The following PLB1 variants were observed in gnomAD, a reference collection of about 807,000 sequenced individuals.
The protein encoded by PLB1 is phospholipase B1, membrane-associated.
A neutral mutation model predicts 227.4 loss-of-function variants in PLB1; 242 were observed. The observed-to-expected ratio is 1.06, with a 90% CI of 0.96 to 1.18. The LOEUF is 1.18. PLB1 is among the 50% of genes most tolerant of loss of function. PLB1 has a pLI of 0.00. For synonymous variants in PLB1, 757 were observed against 682.2 expected (o/e 1.11, Z -1.71); for missense variants, 1,858 against 1,816.3 (o/e 1.02, Z -0.42).
At chr2:28,590,130 C>A in intron 29 of PLB1, 54 bp downstream of exon 29, 1 of 1,457,848 alleles carries the variant, frequency 6.9e-7, no homozygotes, top group Non-Finnish European at 9.6e-7. Flanking sequence ...CTTCTTGGCT[C>A]ATTTCATCCT....
chr2:28,573,238 G>A lies in PLB1; in HGVS notation c.1366G>A (p.Val456Ile), dbSNP rs762532932. 1 of 1,614,170 alleles carries A rather than the reference G, an allele frequency of 6.2e-7. No individual in the cohort carries two copies. Among genetic ancestry groups the A allele is most frequent in the Non-Finnish European group, 8.5e-7 (1 of 1,180,028 alleles). The change falls in exon 21 of 58, where the codon GTT (valine) becomes ATT (isoleucine). Residue 456 changes from valine (V) to isoleucine (I), a missense_variant. By Grantham distance (29) the Val-to-Ile change is conservative (BLOSUM62 3). Coordinates refer to ENST00000327757, the MANE Select transcript of PLB1 (RefSeq NM_153021.5). The part of the protein sequence containing the change: ...EFNPSLKGFS[V>I]GTGKETSPNA... ...CAACCCTTCCCTGAAGGGCTTCTCT[G>A]TTGGCACTGGGAAAGAAACCAGTCC...
chr2:28,561,805 TTGA>T (rs1209928896), intron 17 of PLB1, among the ~76,000 whole-genome samples: 4 of 152,156 alleles, frequency 2.6e-5, no homozygotes, highest in African/African-American at 7.2e-5. Flanking sequence ...GGAGGATCAC[TTGA>T]GCCCGGGAGG....
intron 17 of PLB1, among the ~76,000 whole-genome samples, chr2:28,561,693 C>G (rs1676075699): frequency 6.6e-6 from 1 of 152,076 alleles, no homozygotes; most frequent in Non-Finnish European, 1.5e-5. Flanking sequence ...GAGTTCGAGA[C>G]CAGCCTGGCA....
At chr2:28,538,295 C>T (rs1419322920) in intron 9 of PLB1, 24 bp from the exon 10 acceptor site, 1 of 1,614,164 alleles carries the variant, frequency 6.2e-7, no homozygotes, top group Admixed American at 1.7e-5. Context: ...GGCACCCTCA[C>T]TTAGCACGGT....
intron 34 of PLB1, 143 bp from the exon 35 acceptor site, chr2:28,598,509 C>T: frequency 1.5e-6 from 1 of 669,262 alleles, no homozygotes; most frequent in South Asian, 1.7e-5. Flanking sequence ...ATGTCCAGGA[C>T]ACACACTGCC....
chr2:28,643,481 T>G lies in PLB1; in HGVS notation c.*420T>G, dbSNP rs1287977749. 3 of 166,856 alleles carry G rather than the reference T, an allele frequency of 1.8e-5. No individual in the cohort carries two copies. The Admixed American group carries it at 1.8e-4, about 10-fold the overall frequency. 10.3% of individuals were successfully genotyped at this position (166,856 alleles called of 1,614,324 possible). A position where few individuals can be genotyped will look rare whatever the true frequency, so the allele number is the denominator to read the frequency against. On this transcript the variant is annotated 3_prime_UTR_variant, in exon 58 of 58. Coordinates refer to ENST00000327757, the MANE Select transcript of PLB1 (RefSeq NM_153021.5). ...GCTGGTCACCAGGTGGTGGCTGGAA[T>G]TTTGGAGCTGGCTGGTTGCCATTCA...
intron 25 of PLB1, among the ~76,000 whole-genome samples, chr2:28,584,942 C>T (rs1207118945): frequency 6.6e-6 from 1 of 152,226 alleles, no homozygotes; most frequent in African/African-American, 2.4e-5. Context: ...GTTACTCAAC[C>T]ACCCTGAGCC....
intron 43 of PLB1, among the ~76,000 whole-genome samples, chr2:28,611,029 A>G (rs895121041): frequency 1.3e-5 from 2 of 152,172 alleles, no homozygotes; most frequent in Non-Finnish European, 1.5e-5. Flanking sequence ...TCAATGGTCA[A>G]TAAACCCAGC....
chr2:28,628,888 T>C (rs1407414533), intron 52 of PLB1, among the ~76,000 whole-genome samples: 4 of 152,190 alleles, frequency 2.6e-5, no homozygotes, highest in African/African-American at 9.7e-5. Context: ...TTCGGGCAAG[T>C]GACTTCCCTG....
chr2:28,578,084 C>A (rs773835968), intron 21 of PLB1, 23 bp from the exon 22 acceptor site: 21 of 1,613,134 alleles, frequency 1.3e-5, no homozygotes, highest in Non-Finnish European at 1.7e-5. Context: ...CCTCACAGCA[C>A]TTCCTCTGGT....
chr2:28,585,528 C>T lies in PLB1; in HGVS notation c.1734-233C>T, dbSNP rs946213495. 16 of 444,816 alleles carry T rather than the reference C, an allele frequency of 3.6e-5. No individual in the cohort carries two copies. In the Middle Eastern group the frequency reaches 2.7e-3, roughly 74 times the overall value. 27.6% of individuals were successfully genotyped at this position (444,816 alleles called of 1,614,324 possible). A position where few individuals can be genotyped will look rare whatever the true frequency, so the allele number is the denominator to read the frequency against. Reference sequence around the variant, plus strand: ...CTGACCTCAAGTGATCCACCCACCTCGGCCCACCAAAGTGCTGGCATTACA... The same window carrying T: ...CTGACCTCAAGTGATCCACCCACCTTGGCCCACCAAAGTGCTGGCATTACA... On this transcript the variant is annotated intron_variant, in intron 25 of 57. Coordinates refer to ENST00000327757, the MANE Select transcript of PLB1 (RefSeq NM_153021.5).
rs754672534 is a variant in PLB1, at chr2:28,633,021, C to T, written c.4080C>T (p.Ile1360=). ...ACCGCGGGCATGCCGAGATGGCCAT[C>T]GCACTCTGGAACAACATGGTGAGCA... ...FSDRGHAEMA[I]ALWNNMLEPV... The change falls in exon 56 of 58, where the codon ATC becomes ATT. Residue 1360 remains isoleucine, a synonymous_variant. Transcript: ENST00000327757. 1.2e-5 allele frequency: 20 copies of T among 1,613,882 alleles called. No homozygotes were observed. Among genetic ancestry groups the T allele is most frequent in the South Asian group, 3.3e-5 (3 of 91,078 alleles).
At chr2:28,539,837 A>AT (rs1299304921) in intron 11 of PLB1, among the ~76,000 whole-genome samples, 4 of 151,858 alleles carry the variant, frequency 2.6e-5, no homozygotes, top group African/African-American at 7.3e-5. Flanking sequence ...AGGAGGACTG[A>AT]GAGATGAAGG....
chr2:28,615,464 A>G (rs1357149258), intron 44 of PLB1, among the ~76,000 whole-genome samples: 1 of 152,230 alleles, frequency 6.6e-6, no homozygotes, highest in African/African-American at 2.4e-5. Flanking sequence ...AAGACATTTT[A>G]TAAGCCAGCT....
chr2:28,535,269 T>A (rs10199177), intron 9 of PLB1, among the ~76,000 whole-genome samples: 123,163 of 152,286 alleles, frequency 0.81, 50,250 homozygotes, highest in Middle Eastern at 0.87. Context: ...ACCAGCTAGC[T>A]TCCACTCAAA....
intron 1 of PLB1, among the ~76,000 whole-genome samples, chr2:28,513,542 G>T (rs567657774): frequency 3.9e-5 from 6 of 152,330 alleles, no homozygotes; most frequent in African/African-American, 7.2e-5. Context: ...TTTGACAAAT[G>T]CTTCAAGGAT....
chr2:28,570,286 A>C (rs1677786142), intron 20 of PLB1, among the ~76,000 whole-genome samples: 1 of 152,200 alleles, frequency 6.6e-6, no homozygotes, highest in African/African-American at 2.4e-5. Context: ...AAATACTAGC[A>C]AACAAAATCC....
intron 16 of PLB1, among the ~76,000 whole-genome samples, chr2:28,550,850 G>T (rs1307308812): frequency 6.6e-6 from 1 of 152,224 alleles, no homozygotes; most frequent in East Asian, 1.9e-4. Flanking sequence ...ATTCCATGTG[G>T]TTCTTAACAT....
intron 31 of PLB1, 73 bp downstream of exon 31, chr2:28,591,833 T>C: frequency 6.9e-7 from 1 of 1,442,274 alleles, no homozygotes; most frequent in Non-Finnish European, 9.7e-7. Context: ...TCCTCTGACC[T>C]GACTTTCACA....
Sources: allele counts gnomAD v4.1 joint callset (sites outside exome capture counted in the v4.1 genomes callset), GRCh38; gene constraint gnomAD v4.1.1; transcripts MANE v1.5; gene names NCBI Gene and HGNC (gene_info 2026-07-23, HGNC 2026-07-21).